Variants in PCSK2 observed in about 807,000 individuals in gnomAD.
PCSK2 encodes the protein neuroendocrine convertase 2.
PCSK2 carries 14 observed loss-of-function variants against 69.7 expected under a neutral mutation model. The observed-to-expected ratio is 0.20, with a 90% CI of 0.13 to 0.31. PCSK2 has a LOEUF of 0.31. PCSK2 is among the 10% of genes least tolerant of loss of function. The pLI, the probability that PCSK2 is intolerant of heterozygous loss-of-function variation, is 1.00. For missense variants in PCSK2, 544 were observed against 842.5 expected (o/e 0.65, Z 4.39); for synonymous variants, 307 against 320.7 (o/e 0.96, Z 0.46).
At chr20:17,306,679 G>A (rs773272616) in intron 2 of PCSK2, among the ~76,000 whole-genome samples, 1 of 152,116 alleles carries the variant, frequency 6.6e-6, no homozygotes, top group African/African-American at 2.4e-5. Flanking sequence ...ATGCAAGACT[G>A]GGTTAAACCA....
intron 1 of PCSK2, among the ~76,000 whole-genome samples, chr20:17,235,304 G>T (rs753659569): frequency 1.3e-4 from 20 of 152,096 alleles, no homozygotes; most frequent in Non-Finnish European, 8.8e-5. Context: ...CAGCGTATTG[G>T]CAGTTTCTCC....
chr20:17,351,301 A>AC (rs201931561), intron 2 of PCSK2, among the ~76,000 whole-genome samples: 1,912 of 152,262 alleles, frequency 0.013, 14 homozygotes, highest in East Asian at 0.034. Flanking sequence ...TACCAATTCT[A>AC]TGAATCTATT....
chr20:17,400,048 A>T lies in PCSK2; in HGVS notation c.544-9215A>T, dbSNP rs139103942. On this transcript the variant is annotated intron_variant, in intron 5 of 11. Coordinates refer to ENST00000262545, the MANE Select transcript of PCSK2 (RefSeq NM_002594.5). Reference sequence around the variant, plus strand: ...CTTGGATGAGACAATTTACTAAATAAAACCATGTTATTAAAAAAATGAATG... The same window carrying T: ...CTTGGATGAGACAATTTACTAAATATAACCATGTTATTAAAAAAATGAATG... Among the ~76,000 whole-genome samples the T allele has an allele frequency of 7.2e-5, 11 of 152,316 alleles. 1 individual carries two copies. The highest frequency in any genetic ancestry group is 1.3e-4 in the Admixed American group (2 of 15,308).
rs80256518 is a variant in PCSK2 at position 17,355,592 on chromosome 20, T to C, written c.283-2735T>C. Reference sequence around the variant, plus strand: ...GGCTATGTTTCCAGGTGGAGAACTATACATTTACTTCAACATTTTAAACAT... The same window carrying C: ...GGCTATGTTTCCAGGTGGAGAACTACACATTTACTTCAACATTTTAAACAT... On this transcript the variant is annotated intron_variant, in intron 2 of 11. Transcript: ENST00000262545. 1.0e-3 allele frequency among the ~76,000 whole-genome samples: 158 copies of C among 152,266 alleles called. 3 individuals are homozygous for C. In the East Asian group the frequency reaches 0.029, roughly 28 times the overall value.
intron 10 of PCSK2, chr20:17,464,471 C>G (rs1215640990): frequency 1.3e-5 from 2 of 152,116 alleles, no homozygotes; most frequent in African/African-American, 2.4e-5. Context: ...TGGTACCCTC[C>G]TTTTCAAAAA....
chr20:17,303,470 ATTAT>A (rs1568593452), intron 2 of PCSK2, among the ~76,000 whole-genome samples: 3,401 of 57,306 alleles, frequency 0.059, 163 homozygotes, highest in African/African-American at 0.065. Flanking sequence ...TATAATATAT[ATTAT>A]ATATAATATA....
At chr20:17,240,995 C>T (rs951843) in intron 1 of PCSK2, among the ~76,000 whole-genome samples, 66,677 of 152,028 alleles carry the variant, frequency 0.44, 15,360 homozygotes, top group African/African-American at 0.58. Flanking sequence ...CTTTCCCTCA[C>T]GTATAAAATG....
In PCSK2 at chr20:17,369,277, T is replaced by C. The variant is rs570426863; in HGVS notation, c.543T>C (p.Tyr181=). ...DYLHPDLASN[Y]NAEASYDFSS... ...TCCACCCGGACCTGGCCTCCAACTA[T>C]GTAAGTACAAGCCAACTTTGGTGGG... Residue 181 remains tyrosine (Y), a splice_region_variant and synonymous_variant, in exon 5 of 12, where the codon TAT becomes TAC. Transcript: ENST00000262545. 1.2e-6 allele frequency: 2 copies of C among 1,613,652 alleles called. No individual in the cohort carries two copies. Among genetic ancestry groups the C allele is most frequent in the East Asian group, 2.2e-5 (1 of 44,854 alleles).
At chr20:17,428,856 C>T (rs1306920408) in intron 6 of PCSK2, among the ~76,000 whole-genome samples, 1 of 151,304 alleles carries the variant, frequency 6.6e-6, no homozygotes, top group Non-Finnish European at 1.5e-5. Flanking sequence ...AAAAATTAGC[C>T]AGGCGTGGTG....
At chr20:17,344,362 T>A (rs1990590403) in intron 2 of PCSK2, among the ~76,000 whole-genome samples, 1 of 152,082 alleles carries the variant, frequency 6.6e-6, no homozygotes, top group Non-Finnish European at 1.5e-5. Context: ...AACACACATT[T>A]TTTTTCTACC....
chr20:17,288,760 C>A (rs1213356132), intron 2 of PCSK2, among the ~76,000 whole-genome samples: 1 of 152,134 alleles, frequency 6.6e-6, no homozygotes. Context: ...GAGAAGAAAC[C>A]AACCCAGATG....
At chr20:17,270,538 T>C (rs1054987235) in intron 2 of PCSK2, among the ~76,000 whole-genome samples, 2 of 152,132 alleles carry the variant, frequency 1.3e-5, no homozygotes, top group Non-Finnish European at 2.9e-5. Context: ...AAAAACATTG[T>C]GTTTTTCATC....
chr20:17,346,815 GA>G (rs1173708882), intron 2 of PCSK2, among the ~76,000 whole-genome samples: 1 of 151,656 alleles, frequency 6.6e-6, no homozygotes, highest in Non-Finnish European at 1.5e-5. Context: ...CACCACCCTG[GA>G]AACAAGCATA....
At chr20:17,314,903 A>G (rs1222291600) in intron 2 of PCSK2, among the ~76,000 whole-genome samples, 1 of 152,190 alleles carries the variant, frequency 6.6e-6, no homozygotes, top group East Asian at 1.9e-4. Context: ...TGTTAGCAAA[A>G]TTGCTCTTCA....
At chr20:17,402,111 C>T (rs2031651277) in intron 5 of PCSK2, among the ~76,000 whole-genome samples, 1 of 152,194 alleles carries the variant, frequency 6.6e-6, no homozygotes, top group Non-Finnish European at 1.5e-5. Flanking sequence ...GAGGTGTCTG[C>T]CTCGGCTGTT....
At chr20:17,335,588 C>T (rs1317039806) in intron 2 of PCSK2, among the ~76,000 whole-genome samples, 1 of 152,010 alleles carries the variant, frequency 6.6e-6, no homozygotes, top group Non-Finnish European at 1.5e-5. Context: ...ATTTGGCACA[C>T]CCATCACCCG....
chr20:17,237,111 T>C (rs886154030), intron 1 of PCSK2, among the ~76,000 whole-genome samples: 1 of 151,996 alleles, frequency 6.6e-6, no homozygotes, highest in African/African-American at 2.4e-5. Flanking sequence ...AGAAATGGAA[T>C]CTTCCAAATA....
At chr20:17,242,457 A>C (rs770458714) in intron 1 of PCSK2, among the ~76,000 whole-genome samples, 6 of 152,226 alleles carry the variant, frequency 3.9e-5, no homozygotes, top group Non-Finnish European at 8.8e-5. Flanking sequence ...TAACAGGTTC[A>C]AGTTTATGCC....
chr20:17,270,414 T>A (rs775304418), intron 2 of PCSK2, among the ~76,000 whole-genome samples: 2 of 152,086 alleles, frequency 1.3e-5, no homozygotes, highest in Non-Finnish European at 2.9e-5. Flanking sequence ...CAGGAGAGGA[T>A]AACAGTGCAG....
Sources: gnomAD v4.1 joint callset for allele counts (sites outside exome capture counted in the v4.1 genomes callset) on GRCh38, gnomAD v4.1.1 for gene constraint, MANE v1.5 for transcripts, NCBI Gene and HGNC (gene_info 2026-07-23, HGNC 2026-07-21) for gene names.